The following NCAPH variants were observed in gnomAD, a reference collection of about 807,000 sequenced individuals.
The protein encoded by NCAPH is condensin complex subunit 2.
In NCAPH, 38 loss-of-function variants were observed where a neutral mutation model predicts 85.5. The observed-to-expected ratio is 0.44, with a 90% CI of 0.34 to 0.58. NCAPH has a LOEUF of 0.58. Ranked by LOEUF, NCAPH falls within the 20% of genes least tolerant of loss-of-function variation. NCAPH has a pLI of 0.01. For synonymous variants in NCAPH, 301 were observed against 335.1 expected, an observed-to-expected ratio of 0.90 and a Z score of 1.11; for missense variants, 789 against 916.6, an observed-to-expected ratio of 0.86 and a Z score of 1.80.
At chr2:96,360,299 A>G in intron 11 of NCAPH, 50 bp downstream of exon 11, 1 of 1,111,362 alleles carries the variant, frequency 9.0e-7, no homozygotes, top group Non-Finnish European at 1.3e-6. Context: ...TCCCTTTCAG[A>G]TGTGATTTTT....
chr2:96,360,011 GTTGTGATGCTCAGACACAATGCTGCC>G (rs2064582819), intron 10 of NCAPH, 106 bp from the exon 11 acceptor site: 4 of 632,322 alleles, frequency 6.3e-6, no homozygotes, highest in Non-Finnish European at 1.2e-5. Context: ...CACTCCTACT[GTTGTGATGCTCAGACACAATGCTGCC>G]TTGTGGTTTT....
chr2:96,352,096 A>G, intron 7 of NCAPH, 76 bp downstream of exon 7: 1 of 1,368,462 alleles, frequency 7.3e-7, no homozygotes, highest in Non-Finnish European at 1.0e-6. Flanking sequence ...GGGGTACAAT[A>G]AGCCCATCAT....
At position 96,354,062 on chromosome 2, in the gene NCAPH, G is replaced by A. The variant is rs989808557; in HGVS notation, c.1003-121G>A. ...CAGGCAGGGGATGGGAAAGGGAAGGGTGGCTCAGGGGAAGGAGGAGGCTGG... is the reference window on the plus strand; with the variant it reads ...CAGGCAGGGGATGGGAAAGGGAAGGATGGCTCAGGGGAAGGAGGAGGCTGG... On this transcript the variant is annotated intron_variant, in intron 8 of 17. Coordinates refer to ENST00000240423, the MANE Select transcript of NCAPH (RefSeq NM_015341.5). 3 of 941,974 alleles carry A rather than the reference G, an allele frequency of 3.2e-6. No individual in the cohort carries two copies. In the East Asian group the frequency reaches 7.3e-5, roughly 23 times the overall value. 58.4% of individuals were successfully genotyped at this position (941,974 alleles called of 1,614,324 possible).
intron 7 of NCAPH, 30 bp from the exon 8 acceptor site, chr2:96,353,276 C>A: frequency 6.3e-7 from 1 of 1,591,852 alleles, no homozygotes; most frequent in Non-Finnish European, 8.6e-7. Flanking sequence ...CCCTTCTAAT[C>A]TCTCTTTGTG....
intron 15 of NCAPH, among the ~76,000 whole-genome samples, chr2:96,368,226 A>G (rs2064725813): frequency 6.6e-6 from 1 of 152,240 alleles, no homozygotes; most frequent in African/African-American, 2.4e-5. Context: ...CTCTTCAGTC[A>G]TATTTATAAA....
Position 96,366,043 on chromosome 2 carries a change from A to T in NCAPH, c.1866A>T (p.Val622=). The T allele has an allele frequency of 6.2e-7, 1 of 1,614,234 alleles. No homozygotes were observed. The highest frequency in any genetic ancestry group is 8.5e-7 in the Non-Finnish European group (1 of 1,180,032). The part of the protein sequence containing the change: ...DITTYGESNL[V]AEPQKVNKIE... Reference sequence around the variant, plus strand: ...CAACATATGGGGAGTCAAACTTGGTAGCTGAGCCTCAGAAGGTACGGATGA... The same window carrying T: ...CAACATATGGGGAGTCAAACTTGGTTGCTGAGCCTCAGAAGGTACGGATGA... The change falls in exon 14 of 18, where the codon GTA becomes GTT. Residue 622 remains valine (V), a synonymous_variant. Transcript: ENST00000240423.
intron 7 of NCAPH, among the ~76,000 whole-genome samples, chr2:96,352,714 G>A (rs559738298): frequency 3.3e-5 from 5 of 152,256 alleles, no homozygotes; most frequent in South Asian, 4.1e-4. Flanking sequence ...TCTCAAGTGC[G>A]GTCATTTTTA....
Position 96,359,190 on chromosome 2 carries a change from A to G in NCAPH, c.1354A>G (p.Lys452Glu). Residue 452 changes from lysine to glutamate, a missense_variant, in exon 10 of 18, where the codon AAA (lysine) becomes GAA (glutamate). Coordinates refer to ENST00000240423, the MANE Select transcript of NCAPH (RefSeq NM_015341.5). Reference sequence around the variant, plus strand: ...TCACTGGCGCTTTAGGCCTCGACGCAAACGTATGTAATTCTAGGTGGAATT... The same window carrying G: ...TCACTGGCGCTTTAGGCCTCGACGCGAACGTATGTAATTCTAGGTGGAATT... ...PDHWRFRPRR[K>E]QDAPSQSENK... is the part of the protein sequence containing the mutation. 2 of 1,613,804 alleles carry G rather than the reference A, an allele frequency of 1.2e-6. No individual in the cohort carries two copies.
chr2:96,369,590 CAT>C (rs2064745596), intron 17 of NCAPH, 90 bp downstream of exon 17: 1 of 1,324,350 alleles, frequency 7.6e-7, no homozygotes, highest in Admixed American at 1.7e-5. Context: ...CATGGGCTAA[CAT>C]AGGATTTCTT....
In NCAPH at chr2:96,375,162, C is replaced by A. The variant is rs903803126; in HGVS notation, c.*1811C>A. 6.6e-6 allele frequency among the ~76,000 whole-genome samples: 1 copy of A among 151,816 alleles called. No homozygotes were observed. The highest frequency in any genetic ancestry group is 2.4e-5 in the African/African-American group (1 of 41,262). ...GTTTGAGGCTGCAGTGAGCTGTGAT[C>A]ACACTACTGCATTCCAGCCAGGACA... On this transcript the variant is annotated 3_prime_UTR_variant, in exon 18 of 18. Coordinates refer to ENST00000240423, the MANE Select transcript of NCAPH (RefSeq NM_015341.5).
At chr2:96,372,456 C>T (rs2064786991) in intron 17 of NCAPH, among the ~76,000 whole-genome samples, 1 of 152,122 alleles carries the variant, frequency 6.6e-6, no homozygotes, top group South Asian at 2.1e-4. Flanking sequence ...TTTCACTTTC[C>T]ATGGTTTCAG....
chr2:96,359,435 C>T (rs1343533966), intron 10 of NCAPH: 1 of 510,606 alleles, frequency 2.0e-6, no homozygotes, highest in Non-Finnish European at 3.5e-6. Flanking sequence ...ACTGGACTCC[C>T]AGCCTCACAC....
intron 14 of NCAPH, 102 bp from the exon 15 acceptor site, chr2:96,367,155 G>C (rs2064711635): frequency 1.3e-6 from 1 of 755,444 alleles, no homozygotes; most frequent in Non-Finnish European, 2.2e-6. Context: ...GTTGAAACTG[G>C]ATTCCTTCTT....
At chr2:96,340,110 A>G (rs1366379820) in intron 1 of NCAPH, among the ~76,000 whole-genome samples, 1 of 151,766 alleles carries the variant, frequency 6.6e-6, no homozygotes, top group African/African-American at 2.4e-5. Flanking sequence ...TTTAGTAGAG[A>G]CAGGGTTTCA....
chr2:96,362,760 G>A (rs184553440), intron 12 of NCAPH, among the ~76,000 whole-genome samples: 165 of 152,310 alleles, frequency 1.1e-3, no homozygotes, highest in Non-Finnish European at 1.9e-3. Flanking sequence ...GATAAAACTT[G>A]AATGGATGAG....
At chr2:96,359,550 A>G in intron 10 of NCAPH, 1 of 277,076 alleles carries the variant, frequency 3.6e-6, no homozygotes, top group East Asian at 8.0e-5. Context: ...CATTCTGTAG[A>G]ACTCCAAAGG....
intron 3 of NCAPH, 120 bp from the exon 4 acceptor site, chr2:96,342,636 G>C (rs1359365042): frequency 2.6e-6 from 2 of 782,840 alleles, no homozygotes; most frequent in African/African-American, 1.7e-5. Flanking sequence ...TGGGAAGAGA[G>C]ATCAGTGACA....
Position 96,342,703 on chromosome 2 carries a change from T to C in NCAPH, c.364-53T>C. The C allele has an allele frequency of 7.8e-6, 11 of 1,405,000 alleles. No homozygotes were observed. The South Asian group carries it at 1.3e-4, about 16-fold the overall frequency. 87.0% of individuals were successfully genotyped at this position (1,405,000 alleles called of 1,614,324 possible). A position where few individuals can be genotyped will look rare whatever the true frequency, so the allele number is the denominator to read the frequency against. ...TTCCTCTGTTAAAAGCAGCATTATT[T>C]ACATGAGCCTAGGCTATAAATAACA... On this transcript the variant is annotated intron_variant, in intron 3 of 17. Coordinates refer to ENST00000240423, the MANE Select transcript of NCAPH (RefSeq NM_015341.5).
rs955405930 is a variant in NCAPH at position 96,360,386 on chromosome 2, G to T, written c.1464+137G>T. 8 of 803,782 alleles carry T rather than the reference G, an allele frequency of 1.0e-5. No homozygotes were observed. In the African/African-American group the frequency reaches 1.0e-4, roughly 11 times the overall value. 49.8% of individuals were successfully genotyped at this position (803,782 alleles called of 1,614,324 possible). On this transcript the variant is annotated intron_variant, in intron 11 of 17. Coordinates refer to ENST00000240423, the MANE Select transcript of NCAPH (RefSeq NM_015341.5). ...CCTTGTTCCTTAAACGCACTATTAA[G>T]AAATAGTCCTAAACTCAGTGGCAGA...
Sources: gnomAD v4.1 joint callset for allele counts (sites outside exome capture counted in the v4.1 genomes callset) on GRCh38, gnomAD v4.1.1 for gene constraint, MANE v1.5 for transcripts, NCBI Gene and HGNC (gene_info 2026-07-23, HGNC 2026-07-21) for gene names.